Variants in ITGB2 observed in about 807,000 individuals in gnomAD.
ITGB2 encodes integrin subunit beta 2.
Under a neutral mutation model 86.8 loss-of-function variants are expected in ITGB2, and 56 were observed. The ratio of observed to expected loss-of-function variants is 0.65; its 90% CI spans 0.52 to 0.81. The LOEUF (loss-of-function observed/expected upper bound fraction) is 0.81, where lower values mean the gene tolerates loss of function less well. Among genes scored for constraint, ITGB2 ranks in the 30% least tolerant of loss-of-function variants. ITGB2 has a pLI of 0.00. For missense variants in ITGB2, 948 were observed against 1,061.2 expected, an observed-to-expected ratio of 0.89 and a Z score of 1.48; for synonymous variants, 457 against 450.4, an observed-to-expected ratio of 1.01 and a Z score of -0.19.
In ITGB2 at chr21:44,901,729, G is replaced by A. The variant is rs143576179; in HGVS notation, c.504C>T (p.Phe168=). 4.0e-5 allele frequency: 64 copies of A among 1,609,474 alleles called. 1 individual carries two copies. The highest frequency in any genetic ancestry group is 2.7e-4 in the Admixed American group (16 of 59,932). The part of the protein sequence containing the change: ...NEITESGRIG[F]GSFVDKTVLP... ...GCACGGTCTTGTCCACGAAGGACCC[G>A]AAGCCTGCAGGGCACATGGAGGGGC... The change falls in exon 6 of 16, where the codon TTC becomes TTT. Residue 168 remains phenylalanine (F), a synonymous_variant. Transcript: ENST00000652462.
At chr21:44,895,876 AAAAAAAT>A (rs1299259004) in intron 8 of ITGB2, among the ~76,000 whole-genome samples, 30 of 125,086 alleles carry the variant, frequency 2.4e-4, no homozygotes, top group African/African-American at 1.1e-3. Flanking sequence ...GAAATGAAAT[AAAAAAAT>A]AAATAAAATA....
chr21:44,926,476 A>T (rs1468874355), intron 1 of ITGB2, among the ~76,000 whole-genome samples: 1 of 152,146 alleles, frequency 6.6e-6, no homozygotes, highest in Non-Finnish European at 1.5e-5. Context: ...CGACCGCAGA[A>T]GGAAATGTAG....
intron 8 of ITGB2, among the ~76,000 whole-genome samples, 176 bp downstream of exon 8, chr21:44,898,885 GCGTCCT>G (rs1468251905): frequency 6.6e-6 from 1 of 152,174 alleles, no homozygotes; most frequent in Non-Finnish European, 1.5e-5. Flanking sequence ...CGACACGCAG[GCGTCCT>G]GTCCCCGACG....
At chr21:44,899,195 G>A (rs773116472) in intron 7 of ITGB2, 33 bp from the exon 8 acceptor site, 36 of 1,534,276 alleles carry the variant, frequency 2.3e-5, no homozygotes, top group Middle Eastern at 3.4e-4. Flanking sequence ...AGTTGGCCCC[G>A]AGTCCAGGAC....
chr21:44,910,560 C>A (rs1401986060), intron 2 of ITGB2, 165 bp downstream of exon 2: 1 of 1,404,284 alleles, frequency 7.1e-7, no homozygotes, highest in Non-Finnish European at 9.9e-7. Context: ...GCTACAGCCT[C>A]CTGGCACGTG....
chr21:44,922,547 G>T (rs562827252), upstream of ITGB2, among the ~76,000 whole-genome samples: 1 of 151,288 alleles, frequency 6.6e-6, no homozygotes, highest in African/African-American at 2.4e-5. Flanking sequence ...GGTAGCACGC[G>T]ATATGGTCCA....
At chr21:44,889,053 G>A in intron 13 of ITGB2, 158 bp from the exon 14 acceptor site, 2 of 712,908 alleles carry the variant, frequency 2.8e-6, no homozygotes. Context: ...GGGTGCAGCG[G>A]GTGAACTGGA....
intron 7 of ITGB2, among the ~76,000 whole-genome samples, chr21:44,900,006 G>A (rs950079557): frequency 6.6e-6 from 1 of 152,174 alleles, no homozygotes; most frequent in African/African-American, 2.4e-5. Context: ...CCGTAGCCTG[G>A]GGGCGGTTAC....
intron 11 of ITGB2, among the ~76,000 whole-genome samples, chr21:44,891,548 T>G (rs2083785407): frequency 6.6e-6 from 1 of 152,200 alleles, no homozygotes; most frequent in Non-Finnish European, 1.5e-5. Context: ...GTCCCCTGCC[T>G]TGGGTCCTCC....
chr21:44,924,639 C>T (rs190517571), upstream of ITGB2, among the ~76,000 whole-genome samples: 8 of 152,198 alleles, frequency 5.3e-5, no homozygotes, highest in South Asian at 2.1e-4. Context: ...GCCAAATTCA[C>T]GGACACAATT....
At chr21:44,897,113 C>T (rs2083881263) in intron 8 of ITGB2, among the ~76,000 whole-genome samples, 2 of 152,186 alleles carry the variant, frequency 1.3e-5, no homozygotes, top group Non-Finnish European at 1.5e-5. Context: ...CAGACACCTG[C>T]CCCCATCCCG....
intron 3 of ITGB2, among the ~76,000 whole-genome samples, chr21:44,907,581 G>A (rs1227027748): frequency 6.6e-6 from 1 of 152,252 alleles, no homozygotes; most frequent in Non-Finnish European, 1.5e-5. Context: ...GGGGAGCCTG[G>A]GAGGCCTGGG....
chr21:44,900,433 C>CA lies in ITGB2; in HGVS notation c.783dup (p.Ala262CysfsTer3). ...GCGAAATGGAAGCCGTCATCAGTGG[C>CA]AAACACCAGCAGCCGCGTGACGTTG... On this transcript the variant is annotated frameshift_variant, in exon 7 of 16. Coordinates refer to ENST00000652462, the MANE Select transcript of ITGB2 (RefSeq NM_000211.5). LOFTEE classifies it high-confidence loss of function. 2 of 1,614,040 alleles carry CA rather than the reference C, an allele frequency of 1.2e-6. No individual in the cohort carries two copies. The highest frequency in any genetic ancestry group is 1.7e-6 in the Non-Finnish European group (2 of 1,179,934).
At chr21:44,907,859 T>C (rs2084067505) in intron 3 of ITGB2, 7 of 578,160 alleles carry the variant, frequency 1.2e-5, no homozygotes, top group Non-Finnish European at 2.2e-5. Flanking sequence ...GGTGCCTCTT[T>C]GTAGGGCTCT....
chr21:44,915,076 T>C (rs2084186108), intron 1 of ITGB2, among the ~76,000 whole-genome samples: 3 of 152,192 alleles, frequency 2.0e-5, no homozygotes, highest in Admixed American at 2.0e-4. Flanking sequence ...CGGCCTGGAG[T>C]GCAGTGGCGC....
intron 9 of ITGB2, chr21:44,894,311 GA>G (rs1289147271): frequency 6.1e-6 from 1 of 163,340 alleles, no homozygotes; most frequent in African/African-American, 2.4e-5. Context: ...AAGCCAGCAG[GA>G]CCTTTGGCCT....
At chr21:44,924,949 G>C (rs560325294), upstream of ITGB2, among the ~76,000 whole-genome samples, 5 of 152,160 alleles carry the variant, frequency 3.3e-5, no homozygotes, top group Non-Finnish European at 7.3e-5. Context: ...GACAGAGAAG[G>C]CTACGGGCCT....
At chr21:44,911,960 T>C (rs2084140851) in intron 1 of ITGB2, among the ~76,000 whole-genome samples, 1 of 151,952 alleles carries the variant, frequency 6.6e-6, no homozygotes, top group Non-Finnish European at 1.5e-5. Flanking sequence ...CCTGAGAACA[T>C]TATAGCTGGC....
intron 1 of ITGB2, among the ~76,000 whole-genome samples, chr21:44,919,703 C>G (rs774455058): frequency 4.6e-5 from 7 of 152,366 alleles, no homozygotes; most frequent in East Asian, 3.9e-4. Context: ...GCCATCCCCC[C>G]CCTTCCCCAT....
Sources: allele counts gnomAD v4.1 joint callset (sites outside exome capture counted in the v4.1 genomes callset), GRCh38; gene constraint gnomAD v4.1.1; transcripts MANE v1.5; gene names NCBI Gene and HGNC (gene_info 2026-07-23, HGNC 2026-07-21).